NRXN3: variants seen among roughly 807,000 people sequenced by gnomAD.
The protein encoded by NRXN3 is neurexin III.
In NRXN3, 32 loss-of-function variants were observed where a neutral mutation model predicts 137.6. That is an observed-to-expected ratio of 0.23 (90% CI 0.18 to 0.31). The LOEUF is 0.31. Ranked by LOEUF, NRXN3 falls within the 10% of genes least tolerant of loss-of-function variation. The pLI is 1.00. For synonymous variants in NRXN3, 798 were observed against 784.5 expected (o/e 1.02, Z -0.29); for missense variants, 1,574 against 2,062.5 (o/e 0.76, Z 4.59).
At chr14:79,706,629 T>C (rs919184259) in intron 19 of NRXN3, among the ~76,000 whole-genome samples, 1 of 152,122 alleles carries the variant, frequency 6.6e-6, no homozygotes, top group Non-Finnish European at 1.5e-5. Context: ...AGAAAGACTC[T>C]GCTTTGAAGC....
intron 19 of NRXN3, among the ~76,000 whole-genome samples, chr14:79,784,599 C>CTT (rs1390712164): frequency 2.6e-5 from 3 of 114,524 alleles, no homozygotes; most frequent in African/African-American, 9.8e-5. Context: ...TTTGTAGGTA[C>CTT]TTTTTGTTGT....
intron 15 of NRXN3, among the ~76,000 whole-genome samples, chr14:79,272,122 G>A (rs557671233): frequency 6.6e-6 from 1 of 151,604 alleles, no homozygotes; most frequent in East Asian, 1.9e-4. Flanking sequence ...ATTCCCCTGT[G>A]TGCTTTGTTT....
At chr14:78,753,435 T>C (rs970703207) in intron 8 of NRXN3, among the ~76,000 whole-genome samples, 3 of 152,250 alleles carry the variant, frequency 2.0e-5, no homozygotes, top group Non-Finnish European at 4.4e-5. Flanking sequence ...TGGCTTAAGC[T>C]GGTGTCACCT....
At chr14:79,319,500 G>A (rs2089584195) in intron 15 of NRXN3, among the ~76,000 whole-genome samples, 1 of 152,140 alleles carries the variant, frequency 6.6e-6, no homozygotes, top group South Asian at 2.1e-4. Flanking sequence ...GCATTTAACA[G>A]CAGTAAAAAC....
intron 15 of NRXN3, among the ~76,000 whole-genome samples, chr14:79,371,341 C>T (rs1222488526): frequency 6.6e-6 from 1 of 152,106 alleles, no homozygotes; most frequent in African/African-American, 2.4e-5. Flanking sequence ...AACCTTCTGC[C>T]TTCTGGCAGA....
At chr14:78,203,285 G>A (rs970946014) in intron 1 of NRXN3, among the ~76,000 whole-genome samples, 1 of 152,166 alleles carries the variant, frequency 6.6e-6, no homozygotes, top group Admixed American at 6.5e-5. Flanking sequence ...GGCTTCCTGG[G>A]GCCCAGGGGC....
chr14:79,479,517 C>CAATAT (rs898712316), intron 16 of NRXN3, among the ~76,000 whole-genome samples: 1 of 151,588 alleles, frequency 6.6e-6, no homozygotes, highest in Non-Finnish European at 1.5e-5. Flanking sequence ...ATTTTCTATT[C>CAATAT]AATATAATAT....
At chr14:79,039,490 G>A (rs763901869) in intron 15 of NRXN3, among the ~76,000 whole-genome samples, 7 of 152,032 alleles carry the variant, frequency 4.6e-5, no homozygotes, top group Non-Finnish European at 7.4e-5. Flanking sequence ...TGAGGGACAA[G>A]GCAGCTTTTG....
intron 15 of NRXN3, among the ~76,000 whole-genome samples, chr14:79,128,558 G>A (rs1258907540): frequency 1.3e-5 from 2 of 150,934 alleles, no homozygotes; most frequent in Non-Finnish European, 3.0e-5. Context: ...GCTTTTTGAT[G>A]TGCTGCTGGA....
chr14:78,898,554 C>CGTGTGTGTGTGTGTGTGT (rs66861661), intron 10 of NRXN3, among the ~76,000 whole-genome samples: 2 of 136,262 alleles, frequency 1.5e-5, no homozygotes, highest in Non-Finnish European at 3.2e-5. Context: ...AGCTGGGTTT[C>CGTGTGTGTGTGTGTGTGT]GTGTGTGTGT....
chr14:79,473,529 C>G (rs1474393341), intron 16 of NRXN3, among the ~76,000 whole-genome samples: 5 of 152,134 alleles, frequency 3.3e-5, no homozygotes, highest in African/African-American at 1.2e-4. Context: ...TTAGATTCAT[C>G]TCTGGGTTTG....
chr14:79,183,437 A>G (rs2063166595), intron 15 of NRXN3, among the ~76,000 whole-genome samples: 1 of 152,230 alleles, frequency 6.6e-6, no homozygotes. Context: ...GATGGTTGAA[A>G]AGAAGGACCA....
chr14:78,580,742 A>G (rs2096985584), intron 4 of NRXN3, among the ~76,000 whole-genome samples: 1 of 152,208 alleles, frequency 6.6e-6, no homozygotes. Flanking sequence ...TCACTTGTAT[A>G]CATGATTCAT....
intron 15 of NRXN3, among the ~76,000 whole-genome samples, chr14:79,028,368 C>T (rs1250416842): frequency 1.3e-5 from 2 of 152,142 alleles, no homozygotes; most frequent in East Asian, 1.9e-4. Context: ...ATTCTTTAAA[C>T]ATCTTATCTG....
At chr14:78,739,323 C>T (rs540517272) in intron 8 of NRXN3, among the ~76,000 whole-genome samples, 4 of 152,336 alleles carry the variant, frequency 2.6e-5, no homozygotes, top group East Asian at 1.9e-4. Flanking sequence ...ATGTTGGCTG[C>T]GATCCTCAGG....
chr14:78,885,163 G>A (rs1030279013), intron 10 of NRXN3, among the ~76,000 whole-genome samples: 1 of 147,932 alleles, frequency 6.8e-6, no homozygotes, highest in African/African-American at 2.5e-5. Flanking sequence ...AATTACATAT[G>A]TAAAATATAT....
At chr14:79,698,985 T>C (rs1036001578) in intron 19 of NRXN3, among the ~76,000 whole-genome samples, 3 of 152,068 alleles carry the variant, frequency 2.0e-5, no homozygotes, top group South Asian at 2.1e-4. Context: ...AAGTGTATTA[T>C]CTGTTGCCTT....
At chr14:79,492,908 G>T (rs1240195458) in intron 16 of NRXN3, among the ~76,000 whole-genome samples, 1 of 152,132 alleles carries the variant, frequency 6.6e-6, no homozygotes, top group African/African-American at 2.4e-5. Flanking sequence ...TTTAATGTTG[G>T]AGATTCATTG....
intron 10 of NRXN3, among the ~76,000 whole-genome samples, chr14:78,845,773 T>C (rs2099024900): frequency 6.6e-6 from 1 of 152,072 alleles, no homozygotes; most frequent in South Asian, 2.1e-4. Flanking sequence ...ATAATCTGCC[T>C]ATGTCTCTTT....
Sources: allele counts gnomAD v4.1 joint callset (sites outside exome capture counted in the v4.1 genomes callset), GRCh38; gene constraint gnomAD v4.1.1; transcripts MANE v1.5; gene names NCBI Gene and HGNC (gene_info 2026-07-23, HGNC 2026-07-21).